Variants in RBMS1 observed in about 807,000 individuals in gnomAD.
RBMS1 encodes the protein RNA binding motif single stranded interacting protein 1.
RBMS1 carries 17 observed loss-of-function variants against 62.3 expected under a neutral mutation model. That is an observed-to-expected ratio of 0.27 (90% CI 0.19 to 0.41). The LOEUF is 0.41. RBMS1 is among the 10% of genes least tolerant of loss of function. The pLI is 1.00. For synonymous variants in RBMS1, 172 were observed against 170.0 expected, an observed-to-expected ratio of 1.01 and a Z score of -0.09; for missense variants, 334 against 504.5, an observed-to-expected ratio of 0.66 and a Z score of 3.24.
chr2:160,350,119 T>C (rs972472489), intron 2 of RBMS1, among the ~76,000 whole-genome samples: 14 of 151,794 alleles, frequency 9.2e-5, no homozygotes, highest in African/African-American at 3.4e-4. Flanking sequence ...TCAGAGAAGT[T>C]ATGGGGAGAG....
intron 1 of RBMS1, among the ~76,000 whole-genome samples, chr2:160,375,371 C>G (rs934050051): frequency 5.9e-5 from 9 of 152,150 alleles, no homozygotes; most frequent in Non-Finnish European, 1.0e-4. Context: ...AGAAAATATT[C>G]TAAATATGTA....
intron 4 of RBMS1, among the ~76,000 whole-genome samples, chr2:160,308,006 T>A (rs1013535976): frequency 6.6e-6 from 1 of 152,178 alleles, no homozygotes; most frequent in African/African-American, 2.4e-5. Flanking sequence ...ATGAAAGACT[T>A]TAATATATGG....
At chr2:160,383,243 C>T (rs1413108313) in intron 1 of RBMS1, among the ~76,000 whole-genome samples, 1 of 152,180 alleles carries the variant, frequency 6.6e-6, no homozygotes. Context: ...GCGACTCCTG[C>T]TGTTCCTTGC....
intron 1 of RBMS1, among the ~76,000 whole-genome samples, chr2:160,369,497 C>T (rs1277656459): frequency 2.0e-5 from 3 of 152,180 alleles, no homozygotes; most frequent in Admixed American, 2.0e-4. Flanking sequence ...CTTTGATTGA[C>T]GCAGAGAACT....
chr2:160,280,761 T>A (rs979545680), intron 10 of RBMS1, among the ~76,000 whole-genome samples: 9 of 152,102 alleles, frequency 5.9e-5, no homozygotes, highest in Non-Finnish European at 1.3e-4. Context: ...CTAGATCTTA[T>A]GTGTCTTTGA....
At chr2:160,480,117 G>T (rs1685305647) in intron 1 of RBMS1, among the ~76,000 whole-genome samples, 1 of 152,012 alleles carries the variant, frequency 6.6e-6, no homozygotes, top group Non-Finnish European at 1.5e-5. Context: ...CACAATATCA[G>T]GGGCATATTA....
At chr2:160,427,876 A>G (rs1017880175) in intron 1 of RBMS1, among the ~76,000 whole-genome samples, 3 of 152,212 alleles carry the variant, frequency 2.0e-5, no homozygotes, top group African/African-American at 4.8e-5. Flanking sequence ...TACAGCTGTT[A>G]GCACAGATCA....
intron 2 of RBMS1, among the ~76,000 whole-genome samples, chr2:160,333,854 C>T (rs1232814361): frequency 2.0e-5 from 3 of 151,882 alleles, no homozygotes; most frequent in African/African-American, 4.8e-5. Context: ...ATAACAAACC[C>T]GTTTTTCTAA....
intron 1 of RBMS1, among the ~76,000 whole-genome samples, chr2:160,379,937 G>T (rs745926029): frequency 1.8e-4 from 27 of 152,244 alleles, no homozygotes; most frequent in Non-Finnish European, 2.8e-4. Flanking sequence ...GGAGATCAGT[G>T]GGCAACACAG....
chr2:160,402,319 C>T (rs141637144), intron 1 of RBMS1, among the ~76,000 whole-genome samples: 28 of 152,144 alleles, frequency 1.8e-4, no homozygotes, highest in African/African-American at 6.5e-4. Context: ...GTGAAACGTG[C>T]GTTATCAGGG....
intron 1 of RBMS1, 41 bp from the exon 2 acceptor site, chr2:160,367,432 G>C (rs1432207260): frequency 6.2e-7 from 1 of 1,607,210 alleles, no homozygotes; most frequent in Non-Finnish European, 8.5e-7. Context: ...GCTAGCATTA[G>C]GAGGCTGACA....
At chr2:160,290,135 G>A (rs1361858645) in intron 6 of RBMS1, among the ~76,000 whole-genome samples, 1 of 144,022 alleles carries the variant, frequency 6.9e-6, no homozygotes, top group Admixed American at 7.1e-5. Flanking sequence ...CCAAACCAGC[G>A]GTAGTCCCTA....
intron 1 of RBMS1, among the ~76,000 whole-genome samples, chr2:160,486,249 A>T (rs1000591891): frequency 1.3e-5 from 2 of 152,154 alleles, no homozygotes; most frequent in African/African-American, 4.8e-5. Flanking sequence ...ATAATATAAA[A>T]TTCTGTTTTC....
intron 1 of RBMS1, among the ~76,000 whole-genome samples, chr2:160,484,179 G>C (rs1685488300): frequency 1.3e-5 from 2 of 151,958 alleles, no homozygotes; most frequent in South Asian, 4.2e-4. Flanking sequence ...GCTGATTCTA[G>C]GTAAACATTT....
intron 1 of RBMS1, among the ~76,000 whole-genome samples, chr2:160,389,506 T>A (rs1694745423): frequency 6.6e-6 from 1 of 151,942 alleles, no homozygotes; most frequent in Non-Finnish European, 1.5e-5. Context: ...AAAACCAGCC[T>A]AGCCAACATG....
Position 160,313,175 on chromosome 2 carries a change from ACC to A in RBMS1, c.381_382del (p.Val128SerfsTer19). The A allele has an allele frequency of 6.2e-7, 1 of 1,613,080 alleles. No individual in the cohort carries two copies. Among genetic ancestry groups the A allele is most frequent in the Non-Finnish European group, 8.5e-7 (1 of 1,179,416 alleles). ...ACTCACCTTTGCCATTTGAGCTTGA[ACC>A]CCACTGGCCTTCAGGGCAGACACAG... On this transcript the variant is annotated frameshift_variant, in exon 4 of 14. Transcript: ENST00000348849. LOFTEE classifies it high-confidence loss of function.
chr2:160,281,395 T>G (rs780438453), intron 9 of RBMS1, 31 bp from the exon 10 acceptor site: 49 of 1,540,130 alleles, frequency 3.2e-5, no homozygotes, highest in Non-Finnish European at 3.7e-5. Flanking sequence ...AAAGAAATAT[T>G]GATTTTCATT....
chr2:160,276,492 G>A (rs953300685), intron 12 of RBMS1: 1 of 152,616 alleles, frequency 6.6e-6, no homozygotes, highest in African/African-American at 2.4e-5. Flanking sequence ...TAGTGGGCAA[G>A]ATCAACTGGA....
At chr2:160,459,927 A>G (rs1372988584) in intron 1 of RBMS1, among the ~76,000 whole-genome samples, 1 of 152,230 alleles carries the variant, frequency 6.6e-6, no homozygotes, top group Non-Finnish European at 1.5e-5. Flanking sequence ...CTTCAAGCCT[A>G]AGCCTGCTGA....
Sources: gnomAD v4.1 joint callset for allele counts (sites outside exome capture counted in the v4.1 genomes callset) on GRCh38, gnomAD v4.1.1 for gene constraint, MANE v1.5 for transcripts, NCBI Gene and HGNC (gene_info 2026-07-23, HGNC 2026-07-21) for gene names.